Variants in LINGO2 observed in about 807,000 individuals in gnomAD.
LINGO2 encodes the protein leucine rich repeat and Ig domain containing 2.
Under a neutral mutation model 30.6 loss-of-function variants are expected in LINGO2, and 14 were observed. The ratio of observed to expected loss-of-function variants is 0.46; its 90% CI spans 0.30 to 0.72. The LOEUF is 0.72. LINGO2 is among the 30% of genes least tolerant of loss of function. LINGO2 has a pLI of 0.07. For missense variants in LINGO2, 729 were observed against 751.7 expected (o/e 0.97, Z 0.35); for synonymous variants, 317 against 288.5 (o/e 1.10, Z -1.00).
intron 4 of LINGO2, among the ~76,000 whole-genome samples, chr9:28,219,233 A>C (rs1820875071): frequency 6.6e-6 from 1 of 152,196 alleles, no homozygotes; most frequent in Non-Finnish European, 1.5e-5. Flanking sequence ...GCACCCATGT[A>C]GGCCCTAGAA....
At chr9:28,176,345 C>T (rs1336403692) in intron 4 of LINGO2, among the ~76,000 whole-genome samples, 1 of 152,068 alleles carries the variant, frequency 6.6e-6, no homozygotes, top group Non-Finnish European at 1.5e-5. Flanking sequence ...ACCTTTTTGC[C>T]CTGAATTAAA....
chr9:29,132,386 T>C, the LINGO2 span, among the ~76,000 whole-genome samples: 1 of 152,128 alleles, frequency 6.6e-6, no homozygotes, highest in South Asian at 2.1e-4. Flanking sequence ...GTGCCTCTGA[T>C]TGGTCCCTTC....
At chr9:28,630,035 T>A (rs1826861944) in intron 1 of LINGO2, among the ~76,000 whole-genome samples, 1 of 151,642 alleles carries the variant, frequency 6.6e-6, no homozygotes, top group Non-Finnish European at 1.5e-5. Flanking sequence ...TGGTTTTTGT[T>A]CTTGGGATAG....
At chr9:28,044,992 T>G (rs1453292697) in intron 4 of LINGO2, among the ~76,000 whole-genome samples, 1 of 152,044 alleles carries the variant, frequency 6.6e-6, no homozygotes, top group African/African-American at 2.4e-5. Flanking sequence ...CCCATGTGCA[T>G]TTCGTAATCC....
intron 4 of LINGO2, among the ~76,000 whole-genome samples, chr9:28,034,979 C>G (rs1823861387): frequency 6.6e-6 from 1 of 152,228 alleles, no homozygotes; most frequent in Admixed American, 6.5e-5. Context: ...TGAGAAGTAT[C>G]TATCACTGTG....
At chr9:28,817,333 G>GA in the LINGO2 span, among the ~76,000 whole-genome samples, 1 of 152,172 alleles carries the variant, frequency 6.6e-6, no homozygotes, top group Admixed American at 6.5e-5. Context: ...AAGTTATGCA[G>GA]AAATAAAAAT....
the LINGO2 span, among the ~76,000 whole-genome samples, chr9:28,903,667 G>A: frequency 6.6e-6 from 1 of 151,990 alleles, no homozygotes; most frequent in Non-Finnish European, 1.5e-5. Context: ...TTGTAGAGGT[G>A]GGGTCTTGCT....
At chr9:28,732,656 A>G in the LINGO2 span, among the ~76,000 whole-genome samples, 3 of 152,226 alleles carry the variant, frequency 2.0e-5, no homozygotes, top group Non-Finnish European at 4.4e-5. Flanking sequence ...TCAAAATTCA[A>G]TGCATGTATT....
Position 28,077,473 on chromosome 9 carries a change from C to A in LINGO2, c.-86-65068G>T, listed in dbSNP as rs139295454. Among the ~76,000 whole-genome samples the A allele has an allele frequency of 4.9e-3, 749 of 152,294 alleles. 2 individuals are homozygous for A. The highest frequency in any genetic ancestry group is 8.9e-3 in the Non-Finnish European group (603 of 68,026). Reference sequence around the variant, plus strand: ...TTATATACATTTGTCACATTTTATTCACTCATGGATTCATTCATTCACTTA... The same window carrying A: ...TTATATACATTTGTCACATTTTATTAACTCATGGATTCATTCATTCACTTA... On this transcript the variant is annotated intron_variant, in intron 4 of 5. Transcript: ENST00000379992.
chr9:28,581,509 A>G (rs542512213), intron 1 of LINGO2, among the ~76,000 whole-genome samples: 1 of 149,516 alleles, frequency 6.7e-6, no homozygotes, highest in African/African-American at 2.4e-5. Context: ...AATATAGTAA[A>G]TTGTGATATA....
chr9:28,120,049 T>C (rs1209517570), intron 4 of LINGO2, among the ~76,000 whole-genome samples: 1 of 152,204 alleles, frequency 6.6e-6, no homozygotes, highest in African/African-American at 2.4e-5. Context: ...TACTTAAATT[T>C]CAATTGGGAA....
chr9:28,778,855 G>A, the LINGO2 span, among the ~76,000 whole-genome samples: 1 of 152,098 alleles, frequency 6.6e-6, no homozygotes, highest in South Asian at 2.1e-4. Flanking sequence ...CACAAAAAAA[G>A]TTACATTTAA....
At chr9:28,627,892 G>C (rs991661399) in intron 1 of LINGO2, among the ~76,000 whole-genome samples, 3 of 151,794 alleles carry the variant, frequency 2.0e-5, no homozygotes, top group African/African-American at 7.3e-5. Context: ...GTTGTTATTA[G>C]GCATTAGAAA....
At chr9:28,905,907 CAA>C in the LINGO2 span, among the ~76,000 whole-genome samples, 1 of 151,794 alleles carries the variant, frequency 6.6e-6, no homozygotes, top group African/African-American at 2.4e-5. Context: ...GGAATCAACC[CAA>C]GTGTCCATTA....
the LINGO2 span, among the ~76,000 whole-genome samples, chr9:28,918,656 A>C: frequency 2.0e-5 from 3 of 152,206 alleles, no homozygotes; most frequent in Non-Finnish European, 4.4e-5. Flanking sequence ...ATTAAAATGG[A>C]AACATCAGTG....
At chr9:28,649,369 T>A (rs542381699) in intron 1 of LINGO2, among the ~76,000 whole-genome samples, 1 of 152,096 alleles carries the variant, frequency 6.6e-6, no homozygotes, top group African/African-American at 2.4e-5. Flanking sequence ...TAAATCCTCA[T>A]AACAGTTCTA....
the LINGO2 span, among the ~76,000 whole-genome samples, chr9:29,099,794 A>G: frequency 1.3e-5 from 2 of 152,202 alleles, no homozygotes; most frequent in Non-Finnish European, 2.9e-5. Flanking sequence ...AATGTAAATT[A>G]TTACAACCAC....
chr9:28,005,501 A>G (rs1394802453), intron 5 of LINGO2, among the ~76,000 whole-genome samples: 2 of 152,018 alleles, frequency 1.3e-5, no homozygotes, highest in African/African-American at 4.8e-5. Context: ...TTTCTATCTA[A>G]TTCTCCACAT....
intron 2 of LINGO2, among the ~76,000 whole-genome samples, chr9:28,408,697 C>A: frequency 1.4e-5 from 2 of 146,884 alleles, no homozygotes; most frequent in Non-Finnish European, 3.0e-5. Context: ...TGCAGCACAC[C>A]AACATGGTAC....
Sources: allele counts gnomAD v4.1 joint callset (sites outside exome capture counted in the v4.1 genomes callset), GRCh38; gene constraint gnomAD v4.1.1; transcripts MANE v1.5; gene names NCBI Gene and HGNC (gene_info 2026-07-23, HGNC 2026-07-21).